Variants in HAUS8 observed in about 807,000 individuals in gnomAD.
HAUS8 encodes the protein HAUS augmin-like complex subunit 8.
In HAUS8, 38 loss-of-function variants were observed where a neutral mutation model predicts 42.9. That is an observed-to-expected ratio of 0.89 (90% CI 0.68 to 1.16). The LOEUF is 1.16. Among genes scored for constraint, HAUS8 ranks in the 50% most tolerant of loss-of-function variants. The pLI, the probability that HAUS8 is intolerant of heterozygous loss-of-function variation, is 0.00. For synonymous variants in HAUS8, 199 were observed against 205.8 expected (o/e 0.97, Z 0.28); for missense variants, 494 against 511.6 (o/e 0.97, Z 0.33).
Position 17,073,324 on chromosome 19 carries a change from G to T in HAUS8, c.41C>A (p.Thr14Asn). ...SSGRGAGKPA[T>N]GPTNSSSAKK... Reference sequence around the variant, plus strand: ...GGCACTGCTAGAATTTGTGGGGCCGGTTGCAGGCTTCCTGCAAGAGAAGAG... The same window carrying T: ...GGCACTGCTAGAATTTGTGGGGCCGTTTGCAGGCTTCCTGCAAGAGAAGAG... Residue 14 changes from threonine to asparagine, a missense_variant, in exon 2 of 11, where the codon ACC becomes AAC. By Grantham distance (65) the Thr-to-Asn change is moderately conservative. Transcript: ENST00000253669. The T allele has an allele frequency of 1.2e-6, 2 of 1,614,026 alleles. No homozygotes were observed. Among genetic ancestry groups the T allele is most frequent in the Non-Finnish European group, 1.7e-6 (2 of 1,179,924 alleles).
chr19:17,057,696 T>C (rs959081825), intron 8 of HAUS8, among the ~76,000 whole-genome samples: 3 of 152,100 alleles, frequency 2.0e-5, no homozygotes, highest in African/African-American at 7.2e-5. Context: ...CATGAAAATT[T>C]TGGATGTTAG....
rs919430691 is a variant in HAUS8, at chr19:17,073,422, C to G, written c.30-87G>C. 4 of 1,205,028 alleles carry G rather than the reference C, an allele frequency of 3.3e-6. No homozygotes were observed. The African/African-American group carries it at 6.0e-5, about 18-fold the overall frequency. 74.6% of individuals were successfully genotyped at this position (1,205,028 alleles called of 1,614,324 possible). A position where few individuals can be genotyped will look rare whatever the true frequency, so the allele number is the denominator to read the frequency against. The stretch of plus-strand genomic sequence containing the variant: ...CGAGGTGCCTCTGCTAGTTGAAGCT[C>G]AGACAGCCCAGTCCAAGGGCTGCCA... On this transcript the variant is annotated intron_variant, in intron 1 of 10. Coordinates refer to ENST00000253669, the MANE Select transcript of HAUS8 (RefSeq NM_033417.2).
chr19:17,052,728 ACTC>A, intron 10 of HAUS8, 94 bp downstream of exon 10: 3 of 1,339,428 alleles, frequency 2.2e-6, no homozygotes, highest in African/African-American at 1.4e-5. Flanking sequence ...CCTCCTCTGA[ACTC>A]CTAGAGGAAC....
intron 3 of HAUS8, among the ~76,000 whole-genome samples, chr19:17,066,632 C>T (rs1288817009): frequency 6.6e-6 from 1 of 152,062 alleles, no homozygotes; most frequent in East Asian, 1.9e-4. Context: ...TGGAAGATAC[C>T]CAGCTGGTGG....
chr19:17,052,689 G>A (rs2057294886), intron 10 of HAUS8, 136 bp downstream of exon 10: 1 of 850,270 alleles, frequency 1.2e-6, no homozygotes, highest in Non-Finnish European at 1.9e-6. Flanking sequence ...CAGCGTCTGG[G>A]AAAAGAGCAG....
intron 3 of HAUS8, among the ~76,000 whole-genome samples, chr19:17,063,120 C>CA (rs2057370431): frequency 1.3e-5 from 2 of 152,160 alleles, no homozygotes; most frequent in Non-Finnish European, 2.9e-5. Flanking sequence ...AAAGTTTTTA[C>CA]ACATATGTTG....
Position 17,053,044 on chromosome 19 carries a change from G to A in HAUS8, c.788-78C>T, listed in dbSNP as rs965263122. On this transcript the variant is annotated intron_variant, in intron 9 of 10. Coordinates refer to ENST00000253669, the MANE Select transcript of HAUS8 (RefSeq NM_033417.2). The stretch of plus-strand genomic sequence containing the variant: ...GCACACACAAGTGGAGCGGCCGACA[G>A]ACTTCTGTCATGATGCTCGGCTATC... 2.1e-5 allele frequency: 33 copies of A among 1,553,284 alleles called. No individual in the cohort carries two copies. The Middle Eastern group carries it at 1.6e-3, about 76-fold the overall frequency.
In HAUS8 at chr19:17,075,449, A is replaced by G. The variant is rs1600000943; in HGVS notation, c.-27T>C. On this transcript the variant is annotated 5_prime_UTR_variant, in exon 1 of 11. Coordinates refer to ENST00000253669, the MANE Select transcript of HAUS8 (RefSeq NM_033417.2). Reference sequence around the variant, plus strand: ...TTCCCGCCTTCCACCTCAAGGCCCGACCCGCCGGCTTTTCAAAGCCGGACC... The same window carrying G: ...TTCCCGCCTTCCACCTCAAGGCCCGGCCCGCCGGCTTTTCAAAGCCGGACC... 1 of 1,612,730 alleles carries G rather than the reference A, an allele frequency of 6.2e-7. No homozygotes were observed. Among genetic ancestry groups the G allele is most frequent in the Non-Finnish European group, 8.5e-7 (1 of 1,179,668 alleles).
chr19:17,059,823 G>A (rs2057349327), intron 5 of HAUS8, among the ~76,000 whole-genome samples, 172 bp from the exon 6 acceptor site: 1 of 152,044 alleles, frequency 6.6e-6, no homozygotes, highest in Non-Finnish European at 1.5e-5. Context: ...GGGGCAAAAG[G>A]CAAGTTTAAT....
chr19:17,060,979 A>G (rs1367260294), intron 4 of HAUS8, among the ~76,000 whole-genome samples: 2 of 152,212 alleles, frequency 1.3e-5, no homozygotes, highest in Admixed American at 6.5e-5. Context: ...CTGGAAATGA[A>G]AAGAGGAAGG....
chr19:17,075,091 A>G (rs1004611516), intron 1 of HAUS8: 3 of 490,114 alleles, frequency 6.1e-6, no homozygotes, highest in Middle Eastern at 5.6e-4. Flanking sequence ...GACGCCTACG[A>G]GGTTGAGCTG....
At chr19:17,050,897 C>CA (rs886547045) in intron 10 of HAUS8, among the ~76,000 whole-genome samples, 69 of 139,590 alleles carry the variant, frequency 4.9e-4, no homozygotes, top group Admixed American at 1.3e-3. Context: ...GACTCCGTCT[C>CA]AAAAAAAAAA....
At chr19:17,053,261 G>C in intron 9 of HAUS8, 1 of 405,928 alleles carries the variant, frequency 2.5e-6, no homozygotes, top group Non-Finnish European at 4.6e-6. Context: ...GCTGTGCTGT[G>C]CCAGGGAGAA....
Position 17,050,089 on chromosome 19 carries a change from G to C in HAUS8, c.1017C>G (p.Gly339=), listed in dbSNP as rs760980501. ...AATACCACCGGCTGGGGGGCGCCAT[G>C]CCCTGGGTCTCTTCCCAGACTTCCT... ...ANQEVWEETQ[G]MAPPSRWYFN... is the part of the protein sequence containing the mutation. The change falls in exon 11 of 11, where the codon GGC becomes GGG. Residue 339 remains glycine, a synonymous_variant. Transcript: ENST00000253669. 1 of 1,601,652 alleles carries C rather than the reference G, an allele frequency of 6.2e-7. No homozygotes were observed. The highest frequency in any genetic ancestry group is 1.3e-5 in the African/African-American group (1 of 74,366).
Position 17,062,784 on chromosome 19 carries a change from T to C in HAUS8, c.148-5A>G. The C allele has an allele frequency of 6.2e-7, 1 of 1,606,778 alleles. No homozygotes were observed. The highest frequency in any genetic ancestry group is 8.5e-7 in the Non-Finnish European group (1 of 1,173,302). On this transcript the variant is annotated splice_polypyrimidine_tract_variant and splice_region_variant and intron_variant, in intron 3 of 10. Transcript: ENST00000253669. ...TGACCCATCTCCTGCAGGAGCCTGT[T>C]ATGGGAACACATGACACTCAGAGGA...
At chr19:17,060,563 C>T (rs1185427306) in intron 4 of HAUS8, among the ~76,000 whole-genome samples, 1 of 152,202 alleles carries the variant, frequency 6.6e-6, no homozygotes, top group Non-Finnish European at 1.5e-5. Flanking sequence ...CACTCGCCAC[C>T]ATGCTCAGCT....
chr19:17,049,964 G>C lies in HAUS8; in HGVS notation c.1142C>G (p.Ala381Gly). Residue 381 changes from alanine to glycine, a missense_variant, in exon 11 of 11, where the codon GCC becomes GGC. By Grantham distance (60) the Ala-to-Gly change is moderately conservative (BLOSUM62 0). Coordinates refer to ENST00000253669, the MANE Select transcript of HAUS8 (RefSeq NM_033417.2). The stretch of plus-strand genomic sequence containing the variant: ...ATCTTCGCTTGGGCTGATGAACGTG[G>C]CCTGAGCGGGGGCTGACGAGGCACC... ...NPGASSAPAQ[A>G]TFISPSEDFS... The C allele has an allele frequency of 6.3e-7, 1 of 1,590,652 alleles. No individual in the cohort carries two copies. Among genetic ancestry groups the C allele is most frequent in the Non-Finnish European group, 8.6e-7 (1 of 1,169,494 alleles).
At chr19:17,051,774 T>C (rs764244491) in intron 10 of HAUS8, 7 of 151,026 alleles carry the variant, frequency 4.6e-5, no homozygotes, top group African/African-American at 9.7e-5. Flanking sequence ...GCTCAGATGA[T>C]TCTCCCACCT....
Position 17,061,564 on chromosome 19 carries a change from T to C in HAUS8, c.229+1134A>G, listed in dbSNP as rs77602683. On this transcript the variant is annotated intron_variant, in intron 4 of 10. Coordinates refer to ENST00000253669, the MANE Select transcript of HAUS8 (RefSeq NM_033417.2). ...CAATGGAACTCAAACAAGCAGTCCTTTGAAATCATTATGGTGTGGTTTAAA... is the reference window on the plus strand; with the variant it reads ...CAATGGAACTCAAACAAGCAGTCCTCTGAAATCATTATGGTGTGGTTTAAA... 6.9e-3 allele frequency among the ~76,000 whole-genome samples: 1,044 copies of C among 152,344 alleles called. 18 individuals carry two copies. The highest frequency in any genetic ancestry group is 0.023 in the African/African-American group (959 of 41,566).
Sources: allele counts gnomAD v4.1 joint callset (sites outside exome capture counted in the v4.1 genomes callset), GRCh38; gene constraint gnomAD v4.1.1; transcripts MANE v1.5; gene names NCBI Gene and HGNC (gene_info 2026-07-23, HGNC 2026-07-21).